MDN1: variants seen among roughly 807,000 people sequenced by gnomAD.
MDN1 encodes midasin.
Under a neutral mutation model 669.2 loss-of-function variants are expected in MDN1, and 266 were observed. The observed-to-expected ratio is 0.40, with a 90% CI of 0.36 to 0.44. The LOEUF (loss-of-function observed/expected upper bound fraction) is 0.44. Among genes scored for constraint, MDN1 ranks in the 20% least tolerant of loss-of-function variants. The probability of loss-of-function intolerance (pLI) is 1.00; values close to 1 mark genes in which losing one functional copy is unlikely to be tolerated. For missense variants in MDN1, 5,940 were observed against 6,754.0 expected (o/e 0.88, Z 4.22); for synonymous variants, 2,385 against 2,457.1 (o/e 0.97, Z 0.87).
intron 5 of MDN1, among the ~76,000 whole-genome samples, chr6:89,793,550 A>G (rs1452766587): frequency 1.3e-5 from 2 of 152,242 alleles, no homozygotes; most frequent in East Asian, 3.8e-4. Flanking sequence ...CCGTCTCTAC[A>G]ATTTAAAAAA....
At chr6:89,763,332 CAAAAAAAAAAA>C (rs35383804) in intron 15 of MDN1, among the ~76,000 whole-genome samples, 1 of 97,100 alleles carries the variant, frequency 1.0e-5, no homozygotes, top group African/African-American at 3.9e-5. Flanking sequence ...GTAGGGCACG[CAAAAAAAAAAA>C]AAAAAAAAAA....
At chr6:89,805,603 C>T (rs1048780828) in intron 1 of MDN1, among the ~76,000 whole-genome samples, 1 of 152,108 alleles carries the variant, frequency 6.6e-6, no homozygotes, top group African/African-American at 2.4e-5. Context: ...TATAAGTGTA[C>T]CTTGAACACA....
rs759863499 is a variant in MDN1 at position 89,646,642 on chromosome 6, T to A, written c.16396-39A>T. On this transcript the variant is annotated intron_variant, in intron 99 of 101. Coordinates refer to ENST00000369393, the MANE Select transcript of MDN1 (RefSeq NM_014611.3). Reference sequence around the variant, plus strand: ...AGGAATAGACAATTAGAAAACTATGTGAATGCTCTTCTCATTGTCAAAGAG... The same window carrying A: ...AGGAATAGACAATTAGAAAACTATGAGAATGCTCTTCTCATTGTCAAAGAG... 5.2e-6 allele frequency: 8 copies of A among 1,525,166 alleles called. No individual in the cohort carries two copies. In the East Asian group the frequency reaches 1.6e-4, roughly 30 times the overall value. 94.5% of individuals were successfully genotyped at this position (1,525,166 alleles called of 1,614,324 possible).
intron 1 of MDN1, chr6:89,814,856 C>A: frequency 2.0e-6 from 1 of 492,972 alleles, no homozygotes; most frequent in Non-Finnish European, 4.1e-6. Context: ...AGCCGTCAAC[C>A]TCAACCTCCG....
At chr6:89,801,543 T>TG (rs1767660290) in intron 2 of MDN1, among the ~76,000 whole-genome samples, 1 of 151,130 alleles carries the variant, frequency 6.6e-6, no homozygotes, top group Admixed American at 6.6e-5. Context: ...CCCAGCTACT[T>TG]GGGGGGCTGA....
rs578013160 is a variant in MDN1, at chr6:89,798,674, T to A, written c.330-3873A>T. On this transcript the variant is annotated intron_variant, in intron 2 of 101. Coordinates refer to ENST00000369393, the MANE Select transcript of MDN1 (RefSeq NM_014611.3). Reference sequence around the variant, plus strand: ...ACAATTGACTGTAGTGATGACTGCATATATTGATGAAAATACTAAAAACCA... The same window carrying A: ...ACAATTGACTGTAGTGATGACTGCAAATATTGATGAAAATACTAAAAACCA... Among the ~76,000 whole-genome samples, 38 of 152,328 alleles carry A rather than the reference T, an allele frequency of 2.5e-4. No homozygotes were observed. The South Asian group carries it at 7.9e-3, about 32-fold the overall frequency.
intron 2 of MDN1, among the ~76,000 whole-genome samples, chr6:89,802,395 G>C (rs1433397618): frequency 6.6e-6 from 1 of 152,180 alleles, no homozygotes; most frequent in Non-Finnish European, 1.5e-5. Context: ...TATAAGAAAT[G>C]TTCTGTTGGC....
At position 89,819,661 on chromosome 6, in the gene MDN1, C is replaced by A. The variant is rs993794114; in HGVS notation, c.-54G>T. On this transcript the variant is annotated 5_prime_UTR_variant, in exon 1 of 102. Coordinates refer to ENST00000369393, the MANE Select transcript of MDN1 (RefSeq NM_014611.3). ...CCTGCGCTCCCTACTTCGCGGCCAG[C>A]GTCCCCAAGCCGCCGAGGTCCCAGT... 2 of 1,489,606 alleles carry A rather than the reference C, an allele frequency of 1.3e-6. No homozygotes were observed. The highest frequency in any genetic ancestry group is 1.4e-5 in the African/African-American group (1 of 72,628). The allele number at this position is 1,489,606 out of a possible 1,614,324, so 92.3% of individuals were successfully genotyped here.
intron 5 of MDN1, among the ~76,000 whole-genome samples, chr6:89,791,191 G>T (rs950147634): frequency 6.6e-6 from 1 of 152,274 alleles, no homozygotes; most frequent in Non-Finnish European, 1.5e-5. Context: ...CAAAAAAGCT[G>T]ATGCACAAAG....
At chr6:89,696,678 G>A (rs368243893) in intron 59 of MDN1, 104 bp from the exon 60 acceptor site, 1 of 839,760 alleles carries the variant, frequency 1.2e-6, no homozygotes. Flanking sequence ...CAGGTTGCTT[G>A]GAACAGGTAA....
intron 40 of MDN1, among the ~76,000 whole-genome samples, chr6:89,720,082 T>C (rs909368048): frequency 1.3e-5 from 2 of 152,122 alleles, no homozygotes; most frequent in African/African-American, 4.8e-5. Context: ...AATACTTACA[T>C]AATTGAATAC....
At chr6:89,771,494 G>C (rs953575566) in intron 15 of MDN1, 67 bp downstream of exon 15, 9 of 1,380,876 alleles carry the variant, frequency 6.5e-6, no homozygotes, top group Non-Finnish European at 9.2e-6. Flanking sequence ...TTAACACTAA[G>C]AAAACAGTAT....
chr6:89,650,325 G>T (rs920823277), intron 96 of MDN1, 127 bp from the exon 97 acceptor site: 2 of 874,006 alleles, frequency 2.3e-6, no homozygotes, highest in Admixed American at 2.8e-5. Context: ...GCACAATGAA[G>T]TGTTTCTGTC....
At chr6:89,654,004 T>C (rs182019407) in intron 93 of MDN1, among the ~76,000 whole-genome samples, 160 bp downstream of exon 93, 193 of 152,364 alleles carry the variant, frequency 1.3e-3, no homozygotes, top group Non-Finnish European at 2.3e-3. Flanking sequence ...TTTTGTTTTC[T>C]GGTCCCAAAC....
intron 33 of MDN1, among the ~76,000 whole-genome samples, chr6:89,734,286 AAAAAAT>A (rs902234384): frequency 4.6e-5 from 7 of 152,042 alleles, no homozygotes; most frequent in African/African-American, 9.7e-5. Flanking sequence ...CTCTGTCTCA[AAAAAAT>A]AAAAATAAAA....
rs1008511550 is a variant in MDN1 at position 89,774,825 on chromosome 6, C to A, written c.1822-92G>T. 5.0e-6 allele frequency: 4 copies of A among 802,056 alleles called. No homozygotes were observed. The Admixed American group carries it at 6.1e-5, about 12-fold the overall frequency. 49.7% of individuals were successfully genotyped at this position (802,056 alleles called of 1,614,324 possible). ...GCTTATTTTGGCCCTCAAATTAGCA[C>A]TCTACAAAGAATTATTCTCTACTTC... On this transcript the variant is annotated intron_variant, in intron 12 of 101. Coordinates refer to ENST00000369393, the MANE Select transcript of MDN1 (RefSeq NM_014611.3).
intron 29 of MDN1, 71 bp downstream of exon 29, chr6:89,745,202 C>T: frequency 3.9e-6 from 5 of 1,283,000 alleles, no homozygotes; most frequent in Non-Finnish European, 1.1e-6. Context: ...TTCATGAGTT[C>T]TTCAGTGATA....
intron 61 of MDN1, 48 bp from the exon 62 acceptor site, chr6:89,694,231 T>C (rs997870454): frequency 4.1e-6 from 6 of 1,481,354 alleles, no homozygotes; most frequent in Non-Finnish European, 5.7e-6. Flanking sequence ...GCTATGACCA[T>C]GCACATGAGG....
chr6:89,814,718 A>T, intron 1 of MDN1: 1 of 314,120 alleles, frequency 3.2e-6, no homozygotes, highest in Non-Finnish European at 6.4e-6. Flanking sequence ...CATGCACCGG[A>T]GATCTCTCCA....
Sources: gnomAD v4.1 joint callset for allele counts (sites outside exome capture counted in the v4.1 genomes callset) on GRCh38, gnomAD v4.1.1 for gene constraint, MANE v1.5 for transcripts, NCBI Gene and HGNC (gene_info 2026-07-23, HGNC 2026-07-21) for gene names.